PCDHGA7: variants seen among roughly 807,000 people sequenced by gnomAD.
PCDHGA7 encodes protocadherin gamma subfamily A, 7.
A neutral mutation model predicts 58.3 loss-of-function variants in PCDHGA7; 44 were observed. That is an observed-to-expected ratio of 0.75 (90% CI 0.59 to 0.97). The LOEUF (loss-of-function observed/expected upper bound fraction) is 0.97, where lower values mean the gene tolerates loss of function less well. PCDHGA7 is among the 50% of genes least tolerant of loss of function. PCDHGA7 has a pLI of 0.00. For missense variants in PCDHGA7, 1,266 were observed against 1,188.7 expected, an observed-to-expected ratio of 1.06 and a Z score of -0.96; for synonymous variants, 516 against 504.2, an observed-to-expected ratio of 1.02 and a Z score of -0.31.
At position 141,491,796 on chromosome 5, in the gene PCDHGA7, C is replaced by T. The variant is rs1487915203; in HGVS notation, c.2425-3011C>T. The stretch of plus-strand genomic sequence containing the variant: ...GATTGAACTTGCATCCACTCCTCTC[C>T]GGCCGGCTTGGTCGCTGGCTGCGCT... On this transcript the variant is annotated intron_variant, in intron 1 of 3. Transcript: ENST00000518325. The surrounding 1 kb of genome is among the most constrained non-coding windows in gnomAD (Gnocchi z 6.9). 6.6e-7 allele frequency: 1 copy of T among 1,509,866 alleles called. No homozygotes were observed. The highest frequency in any genetic ancestry group is 2.4e-5 in the Admixed American group (1 of 42,218). The allele number at this position is 1,509,866 out of a possible 1,614,324, so 93.5% of individuals were successfully genotyped here. A position where few individuals can be genotyped will look rare whatever the true frequency, so the allele number is the denominator to read the frequency against.
chr5:141,482,611 G>C (rs1016481108), intron 1 of PCDHGA7, among the ~76,000 whole-genome samples: 4 of 150,398 alleles, frequency 2.7e-5, no homozygotes, highest in Non-Finnish European at 5.9e-5. Context: ...ACACCTAAAT[G>C]AGCCTGGAGA....
chr5:141,405,333 CTGTT>C (rs1203111813), intron 1 of PCDHGA7: 18 of 1,614,204 alleles, frequency 1.1e-5, no homozygotes, highest in Non-Finnish European at 1.4e-5. Flanking sequence ...TTGTGCGTCT[CTGTT>C]GATTCCAAGT....
At chr5:141,478,567 C>T (rs371741874) in intron 1 of PCDHGA7, 20 of 1,593,698 alleles carry the variant, frequency 1.3e-5, no homozygotes, top group Non-Finnish European at 1.7e-5. Flanking sequence ...GCAAGTCATG[C>T]TTGACCCTGT....
chr5:141,414,437 C>T (rs1422750138), intron 1 of PCDHGA7: 1 of 1,613,856 alleles, frequency 6.2e-7, no homozygotes, highest in Non-Finnish European at 8.5e-7. Flanking sequence ...CAGGTATCCT[C>T]TTACAATATC....
At chr5:141,458,318 A>T (rs1420197662) in intron 1 of PCDHGA7, among the ~76,000 whole-genome samples, 1 of 152,128 alleles carries the variant, frequency 6.6e-6, no homozygotes, top group Non-Finnish European at 1.5e-5. Context: ...ACACAGACAC[A>T]TGTGGAGTGG....
intron 1 of PCDHGA7, among the ~76,000 whole-genome samples, chr5:141,482,765 T>C (rs2099572013): frequency 7.9e-6 from 1 of 127,068 alleles, no homozygotes; most frequent in African/African-American, 3.6e-5. Flanking sequence ...TATTTCATTA[T>C]CACTGAACCT....
At chr5:141,410,693 A>C in intron 1 of PCDHGA7, 1 of 1,496,902 alleles carries the variant, frequency 6.7e-7, no homozygotes, top group Non-Finnish European at 8.9e-7. Flanking sequence ...ATACTACTTT[A>C]TTTTCATATC....
At chr5:141,387,844 G>A in intron 1 of PCDHGA7, 1 of 1,597,594 alleles carries the variant, frequency 6.3e-7, no homozygotes, top group South Asian at 1.1e-5. Flanking sequence ...TTGTAACCCG[G>A]CGTCTCCAGG....
intron 3 of PCDHGA7, 67 bp from the exon 4 acceptor site, chr5:141,510,880 G>A (rs373993657): frequency 1.9e-6 from 3 of 1,611,784 alleles, no homozygotes; most frequent in Admixed American, 3.3e-5. Context: ...AACTGCTGGG[G>A]ATATAAGACA....
At chr5:141,498,964 G>A (rs1342764380) in intron 2 of PCDHGA7, among the ~76,000 whole-genome samples, 2 of 127,572 alleles carry the variant, frequency 1.6e-5, no homozygotes, top group Admixed American at 8.7e-5. Context: ...AGAGAGGGAG[G>A]GAGGGAGGGA....
chr5:141,411,924 C>G lies in PCDHGA7; in HGVS notation c.2424+26601C>G, dbSNP rs116336964. ...TTGCCTTTGCACTCAGTCTCTGTCTCTGATTCTCTGATAGAAGATTTTTGA... is the reference window on the plus strand; with the variant it reads ...TTGCCTTTGCACTCAGTCTCTGTCTGTGATTCTCTGATAGAAGATTTTTGA... On this transcript the variant is annotated intron_variant, in intron 1 of 3. Coordinates refer to ENST00000518325, the MANE Select transcript of PCDHGA7 (RefSeq NM_018920.4). The G allele has an allele frequency of 5.8e-4, 88 of 152,306 alleles. 1 individual carries two copies. Among genetic ancestry groups the G allele is most frequent in the African/African-American group, 2.0e-3 (83 of 41,556 alleles). 9.4% of individuals were successfully genotyped at this position (152,306 alleles called of 1,614,324 possible). A position where few individuals can be genotyped will look rare whatever the true frequency, so the allele number is the denominator to read the frequency against.
intron 1 of PCDHGA7, chr5:141,390,341 A>G (rs766269615): frequency 6.3e-7 from 1 of 1,587,420 alleles, no homozygotes; most frequent in Non-Finnish European, 8.6e-7. Flanking sequence ...CATATTCACA[A>G]GAAAATATAC....
intron 1 of PCDHGA7, among the ~76,000 whole-genome samples, chr5:141,472,102 T>C (rs1231168102): frequency 6.6e-6 from 1 of 152,240 alleles, no homozygotes; most frequent in Non-Finnish European, 1.5e-5. Flanking sequence ...ATTCCCATTT[T>C]ATACATAAAG....
Position 141,486,558 on chromosome 5 carries a change from T to C in PCDHGA7, c.2425-8249T>C, listed in dbSNP as rs544575797. 1 of 1,614,034 alleles carries C rather than the reference T, an allele frequency of 6.2e-7. No homozygotes were observed. Among genetic ancestry groups the C allele is most frequent in the Non-Finnish European group, 8.5e-7 (1 of 1,180,012 alleles). ...TCTTTCTTTCAGAGGTCACATGAGG[T>C]GTTTGTTCCTGAGAACAATCGCCCA... On this transcript the variant is annotated intron_variant, in intron 1 of 3. Coordinates refer to ENST00000518325, the MANE Select transcript of PCDHGA7 (RefSeq NM_018920.4). This position sits in a 1 kb window ranked among gnomAD's most constrained non-coding sequence, Gnocchi z 5.0.
chr5:141,392,878 C>G, intron 1 of PCDHGA7: 2 of 1,613,474 alleles, frequency 1.2e-6, no homozygotes, highest in Non-Finnish European at 1.7e-6. Context: ...CTGCTGGGAA[C>G]GCTGTGGGAA....
At chr5:141,436,611 C>T (rs893312137) in intron 1 of PCDHGA7, among the ~76,000 whole-genome samples, 1 of 152,126 alleles carries the variant, frequency 6.6e-6, no homozygotes, top group Non-Finnish European at 1.5e-5. Context: ...CTAGGGCTAA[C>T]AAAAATCTGA....
Position 141,491,900 on chromosome 5 carries a change from G to C in PCDHGA7, c.2425-2907G>C. ...TAAGGGATGGGGCTCCGAGCACCGG[G>C]GGTGGTGGCGACTGTGGGCGAGGGG... On this transcript the variant is annotated intron_variant, in intron 1 of 3. Transcript: ENST00000518325. This position sits in a 1 kb window ranked among gnomAD's most constrained non-coding sequence, Gnocchi z 6.9. 1 of 1,429,936 alleles carries C rather than the reference G, an allele frequency of 7.0e-7. No homozygotes were observed. Among genetic ancestry groups the C allele is most frequent in the South Asian group, 1.5e-5 (1 of 67,072 alleles). 88.6% of individuals were successfully genotyped at this position (1,429,936 alleles called of 1,614,324 possible). A position where few individuals can be genotyped will look rare whatever the true frequency, so the allele number is the denominator to read the frequency against.
At chr5:141,390,352 A>C (rs1340044054) in intron 1 of PCDHGA7, 1 of 1,557,524 alleles carries the variant, frequency 6.4e-7, no homozygotes, top group African/African-American at 1.4e-5. Context: ...GAAAATATAC[A>C]TATTTGCAGG....
intron 1 of PCDHGA7, among the ~76,000 whole-genome samples, chr5:141,442,879 A>T (rs1399128822): frequency 6.6e-6 from 1 of 152,256 alleles, no homozygotes; most frequent in Non-Finnish European, 1.5e-5. Flanking sequence ...TTTACAACTC[A>T]GAATCCCTGC....
Sources: allele counts gnomAD v4.1 joint callset (sites outside exome capture counted in the v4.1 genomes callset), GRCh38; gene constraint gnomAD v4.1.1; non-coding constraint Gnocchi (gnomAD v3.1); transcripts MANE v1.5; gene names NCBI Gene and HGNC (gene_info 2026-07-23, HGNC 2026-07-21).